The following CSMD1 variants were observed in gnomAD, a reference collection of about 807,000 sequenced individuals.
CSMD1 encodes the protein CUB and sushi domain-containing protein 1.
CSMD1 carries 213 observed loss-of-function variants against 417.5 expected under a neutral mutation model. That is an observed-to-expected ratio of 0.51 (90% confidence interval 0.46 to 0.57). The LOEUF (loss-of-function observed/expected upper bound fraction) is 0.57, where lower values mean the gene tolerates loss of function less well. Ranked by LOEUF, CSMD1 falls within the 20% of genes least tolerant of loss-of-function variation. The probability of loss-of-function intolerance (pLI) is 0.00; values close to 1 mark genes in which losing one functional copy is unlikely to be tolerated. For synonymous variants in CSMD1, 2,862 were observed against 1,736.8 expected (o/e 1.65, Z -16.11); for missense variants, 6,923 against 4,529.7 (o/e 1.53, Z -15.17).
chr8:3,404,936 A>G (rs766601239), intron 15 of CSMD1, among the ~76,000 whole-genome samples: 1 of 152,166 alleles, frequency 6.6e-6, no homozygotes, highest in African/African-American at 2.4e-5. Context: ...AGTCTTGCAG[A>G]AAACATTCTT....
At chr8:4,398,474 A>T (rs1554460955) in intron 3 of CSMD1, among the ~76,000 whole-genome samples, 1 of 142,156 alleles carries the variant, frequency 7.0e-6, no homozygotes, top group Non-Finnish European at 1.5e-5. Flanking sequence ...GCTCACTGCA[A>T]CCTCCTCTCC....
rs539310431 is a variant in CSMD1, at chr8:3,069,260, C to A, written c.7475-16613G>T. On this transcript the variant is annotated intron_variant, in intron 49 of 69. Coordinates refer to ENST00000635120, the MANE Select transcript of CSMD1 (RefSeq NM_033225.6). Reference sequence around the variant, plus strand: ...ACCAGCCTGGCCAACATGGTGAACACCCTGTCGCTACTAAAAATACAAAAA... The same window carrying A: ...ACCAGCCTGGCCAACATGGTGAACAACCTGTCGCTACTAAAAATACAAAAA... 7.9e-5 allele frequency among the ~76,000 whole-genome samples: 12 copies of A among 151,960 alleles called. No homozygotes were observed. In the East Asian group the frequency reaches 2.3e-3, roughly 30 times the overall value.
Position 4,218,845 on chromosome 8 carries a change from A to G in CSMD1, c.416-186746T>C, listed in dbSNP as rs187928461. On this transcript the variant is annotated intron_variant, in intron 3 of 69. Transcript: ENST00000635120. ...TTTTATTCTGACAATTATTTCCCCTATACTTTTCCTGAGACATCACCTCCT... is the reference window on the plus strand; with the variant it reads ...TTTTATTCTGACAATTATTTCCCCTGTACTTTTCCTGAGACATCACCTCCT... Among the ~76,000 whole-genome samples, 191 of 152,276 alleles carry G rather than the reference A, an allele frequency of 1.3e-3. 1 individual carries two copies. Among genetic ancestry groups the G allele is most frequent in the Admixed American group, 2.2e-3 (33 of 15,282 alleles).
intron 3 of CSMD1, among the ~76,000 whole-genome samples, chr8:4,128,876 T>C (rs1033466944): frequency 1.3e-5 from 2 of 152,066 alleles, no homozygotes; most frequent in African/African-American, 2.4e-5. Flanking sequence ...ATGCGCTGTA[T>C]CATGAATATT....
At chr8:3,835,153 A>G (rs181581959) in intron 5 of CSMD1, among the ~76,000 whole-genome samples, 3,522 of 147,516 alleles carry the variant, frequency 0.024, 68 homozygotes, top group African/African-American at 0.041. Flanking sequence ...TGTGGAAGTC[A>G]GTGTGGCGAT....
chr8:3,438,449 C>G (rs928884548), intron 12 of CSMD1, among the ~76,000 whole-genome samples: 1 of 152,144 alleles, frequency 6.6e-6, no homozygotes, highest in African/African-American at 2.4e-5. Context: ...CTCCTTAACT[C>G]CTGGCCACTA....
chr8:3,875,073 C>G (rs1289398335), intron 5 of CSMD1, among the ~76,000 whole-genome samples: 1 of 152,018 alleles, frequency 6.6e-6, no homozygotes, highest in African/African-American at 2.4e-5. Context: ...AGAGCGGACA[C>G]AGAAAGGTGC....
At chr8:3,180,098 G>A (rs184686012) in intron 37 of CSMD1, among the ~76,000 whole-genome samples, 20 of 152,290 alleles carry the variant, frequency 1.3e-4, no homozygotes, top group Admixed American at 5.9e-4. Flanking sequence ...TAAAGGAGAT[G>A]AATATCAACG....
chr8:3,846,800 A>T (rs944666293), intron 5 of CSMD1, among the ~76,000 whole-genome samples: 2 of 151,972 alleles, frequency 1.3e-5, no homozygotes, highest in African/African-American at 4.8e-5. Context: ...CAGCCTCCCA[A>T]GTAGCTGGGA....
intron 10 of CSMD1, among the ~76,000 whole-genome samples, chr8:3,534,500 T>A (rs1296749197): frequency 6.6e-6 from 1 of 151,244 alleles, no homozygotes; most frequent in Non-Finnish European, 1.5e-5. Flanking sequence ...AAGTAGATAT[T>A]TTTGGCTTTC....
rs112800768 is a variant in CSMD1 at position 4,824,452 on chromosome 8, A to G, written c.85+169880T>C. On this transcript the variant is annotated intron_variant, in intron 1 of 69. Coordinates refer to ENST00000635120, the MANE Select transcript of CSMD1 (RefSeq NM_033225.6). ...TCCGGGTAGAAAAATTGTATAATTA[A>G]AGAAGACTATTTTTCTTGTTTAAAG... Among the ~76,000 whole-genome samples the G allele has an allele frequency of 4.2e-3, 634 of 152,250 alleles. 4 individuals carry two copies. The highest frequency in any genetic ancestry group is 0.015 in the African/African-American group (605 of 41,544).
intron 2 of CSMD1, among the ~76,000 whole-genome samples, chr8:4,519,944 T>A (rs1263075483): frequency 6.6e-6 from 1 of 150,802 alleles, no homozygotes; most frequent in Non-Finnish European, 1.5e-5. Flanking sequence ...TGCGTGTGTG[T>A]GTGTGTGTGT....
intron 12 of CSMD1, among the ~76,000 whole-genome samples, chr8:3,411,258 G>C (rs990357134): frequency 1.3e-5 from 2 of 152,162 alleles, no homozygotes; most frequent in Non-Finnish European, 2.9e-5. Context: ...AAGTGCATTG[G>C]TTTTACTTTT....
At chr8:4,761,553 G>C (rs1676960) in intron 1 of CSMD1, among the ~76,000 whole-genome samples, 29,737 of 151,886 alleles carry the variant, frequency 0.2, 3,394 homozygotes, top group African/African-American at 0.32. Flanking sequence ...CTGACTTAGA[G>C]TTTGAAATTC....
chr8:3,456,152 C>A (rs948929579), intron 12 of CSMD1, among the ~76,000 whole-genome samples: 3 of 152,186 alleles, frequency 2.0e-5, no homozygotes, highest in African/African-American at 7.2e-5. Flanking sequence ...TTGCTAAGAC[C>A]TTTAGAAAAG....
chr8:4,851,467 T>A (rs887687585), intron 1 of CSMD1, among the ~76,000 whole-genome samples: 1 of 152,128 alleles, frequency 6.6e-6, no homozygotes, highest in African/African-American at 2.4e-5. Context: ...TCTATTTTTT[T>A]TCTTTTTTGA....
chr8:4,966,937 A>C (rs991414355), intron 1 of CSMD1, among the ~76,000 whole-genome samples: 4 of 152,192 alleles, frequency 2.6e-5, no homozygotes, highest in Admixed American at 2.6e-4. Context: ...CCAGTGTTGC[A>C]AATTCCTTAG....
chr8:4,715,803 T>C (rs1002991019), intron 1 of CSMD1, among the ~76,000 whole-genome samples: 2 of 152,190 alleles, frequency 1.3e-5, no homozygotes, highest in African/African-American at 4.8e-5. Context: ...CCCGTCCTCC[T>C]ATCTCTAGCA....
At chr8:3,736,624 G>T (rs1457138568) in intron 6 of CSMD1, among the ~76,000 whole-genome samples, 1 of 152,190 alleles carries the variant, frequency 6.6e-6, no homozygotes. Context: ...ATGGCAGAGT[G>T]AATCTTTCTC....
Sources: allele counts gnomAD v4.1 joint callset (sites outside exome capture counted in the v4.1 genomes callset), GRCh38; gene constraint gnomAD v4.1.1; transcripts MANE v1.5; gene names NCBI Gene and HGNC (gene_info 2026-07-23, HGNC 2026-07-21).